Variants in BABAM2 observed in about 807,000 individuals in gnomAD.
BABAM2 encodes the protein BRISC and BRCA1 A complex member 2.
A neutral mutation model predicts 54.7 loss-of-function variants in BABAM2; 31 were observed. The observed-to-expected ratio is 0.57, with a 90% CI of 0.43 to 0.77. The LOEUF (loss-of-function observed/expected upper bound fraction) is 0.77. Among genes scored for constraint, BABAM2 ranks in the 30% least tolerant of loss-of-function variants. The pLI, the probability that BABAM2 is intolerant of heterozygous loss-of-function variation, is 0.00. For synonymous variants in BABAM2, 167 were observed against 162.9 expected (o/e 1.03, Z -0.19); for missense variants, 364 against 455.8 (o/e 0.80, Z 1.83).
intron 2 of BABAM2, among the ~76,000 whole-genome samples, chr2:27,903,893 C>T (rs763739263): frequency 6.6e-6 from 1 of 152,038 alleles, no homozygotes; most frequent in Non-Finnish European, 1.5e-5. Context: ...AGAACATTTA[C>T]CTTTTTCCTT....
intron 3 of BABAM2, among the ~76,000 whole-genome samples, chr2:27,937,745 C>G (rs908747677): frequency 6.6e-6 from 1 of 152,126 alleles, no homozygotes; most frequent in Non-Finnish European, 1.5e-5. Flanking sequence ...AATATTTTCT[C>G]CCATTCTGTA....
chr2:28,231,885 G>A (rs1681440029), intron 7 of BABAM2, among the ~76,000 whole-genome samples: 1 of 129,698 alleles, frequency 7.7e-6, no homozygotes, highest in South Asian at 2.7e-4. Context: ...ATGGCACATT[G>A]TAACCTCCAA....
chr2:28,011,393 C>T (rs1275685147), intron 4 of BABAM2, among the ~76,000 whole-genome samples: 2 of 152,054 alleles, frequency 1.3e-5, no homozygotes, highest in Non-Finnish European at 2.9e-5. Flanking sequence ...TGTTATAACC[C>T]GAAGAGCCTG....
chr2:28,174,632 A>G (rs1036657170), intron 7 of BABAM2, among the ~76,000 whole-genome samples: 3 of 152,180 alleles, frequency 2.0e-5, no homozygotes, highest in Non-Finnish European at 4.4e-5. Flanking sequence ...GAGTCCTGCA[A>G]TCCCAGCCAT....
intron 6 of BABAM2, among the ~76,000 whole-genome samples, chr2:28,075,140 C>T (rs1019681597): frequency 3.3e-5 from 5 of 152,098 alleles, no homozygotes; most frequent in Admixed American, 6.5e-5. Flanking sequence ...TGCCTGCCTC[C>T]GTTTTTAATA....
At chr2:28,251,628 T>A (rs73922267) in intron 10 of BABAM2, among the ~76,000 whole-genome samples, 2,792 of 152,290 alleles carry the variant, frequency 0.018, 96 homozygotes, top group African/African-American at 0.063. Flanking sequence ...ACAAACAAGA[T>A]GGCTACTACA....
chr2:28,122,156 C>T (rs1669130000), intron 6 of BABAM2, among the ~76,000 whole-genome samples: 1 of 151,954 alleles, frequency 6.6e-6, no homozygotes, highest in Admixed American at 6.6e-5. Context: ...GTGGAGCTTG[C>T]AGTGAGCCGA....
chr2:28,303,132 G>A (rs1456333840), intron 11 of BABAM2, among the ~76,000 whole-genome samples: 2 of 152,088 alleles, frequency 1.3e-5, no homozygotes, highest in African/African-American at 4.8e-5. Flanking sequence ...AAAATCTTGG[G>A]ATTACAGGTG....
chr2:28,002,586 T>A (rs1054684591), intron 4 of BABAM2, among the ~76,000 whole-genome samples: 10 of 152,122 alleles, frequency 6.6e-5, no homozygotes, highest in Non-Finnish European at 1.3e-4. Flanking sequence ...AATCCTAAGA[T>A]GGCTATCTAC....
intron 3 of BABAM2, among the ~76,000 whole-genome samples, chr2:27,931,964 T>G (rs549997528): frequency 2.0e-5 from 3 of 152,220 alleles, no homozygotes; most frequent in Non-Finnish European, 4.4e-5. Flanking sequence ...CTTCTGTGCC[T>G]TGCCTATAAA....
At chr2:28,079,825 G>T (rs1295909398) in intron 6 of BABAM2, among the ~76,000 whole-genome samples, 1 of 151,982 alleles carries the variant, frequency 6.6e-6, no homozygotes, top group Non-Finnish European at 1.5e-5. Context: ...AACTGTTAGG[G>T]TTTACGTTTT....
At chr2:28,299,095 C>T (rs1451456820) in intron 11 of BABAM2, among the ~76,000 whole-genome samples, 1 of 152,178 alleles carries the variant, frequency 6.6e-6, no homozygotes, top group Non-Finnish European at 1.5e-5. Flanking sequence ...TACCTCATTG[C>T]GTCTCTGCAG....
chr2:28,112,138 T>C (rs1297817754), intron 6 of BABAM2, among the ~76,000 whole-genome samples: 15 of 16,770 alleles, frequency 8.9e-4, no homozygotes, highest in Middle Eastern at 0.016. Context: ...TCTTTCTTTC[T>C]TTCTTTCTTT....
chr2:28,288,084 G>A (rs538767854), intron 10 of BABAM2, among the ~76,000 whole-genome samples: 3 of 152,266 alleles, frequency 2.0e-5, no homozygotes, highest in Admixed American at 2.0e-4. Context: ...GCACAGGTTG[G>A]AAGCATGCAG....
chr2:28,039,831 G>A (rs549587484), intron 5 of BABAM2, among the ~76,000 whole-genome samples: 1 of 152,178 alleles, frequency 6.6e-6, no homozygotes, highest in Non-Finnish European at 1.5e-5. Flanking sequence ...AAGGAAAGAT[G>A]CACATATTTA....
upstream of BABAM2, chr2:27,890,318 G>A (rs370831016): frequency 2.5e-6 from 4 of 1,613,642 alleles, no homozygotes; most frequent in African/African-American, 2.7e-5. This position sits in a 1 kb window ranked among gnomAD's most constrained non-coding sequence, Gnocchi z 4.8. Context: ...TCTTGCCACT[G>A]CCTCTGGGGT....
chr2:28,198,793 G>A (rs1259560111), intron 7 of BABAM2, among the ~76,000 whole-genome samples: 2 of 152,146 alleles, frequency 1.3e-5, no homozygotes. Context: ...CTTTGGTCTT[G>A]ACTTGCAGGA....
intron 7 of BABAM2, among the ~76,000 whole-genome samples, chr2:28,189,759 T>A (rs958010083): frequency 6.6e-6 from 1 of 152,188 alleles, no homozygotes; most frequent in African/African-American, 2.4e-5. Flanking sequence ...AGCAGACTTT[T>A]TTTTTTAGGG....
chr2:28,166,625 G>A (rs76826934), intron 7 of BABAM2, among the ~76,000 whole-genome samples: 10,150 of 152,146 alleles, frequency 0.067, 369 homozygotes, highest in African/African-American at 0.08. Context: ...TACCCCTGAC[G>A]TCCTCCCTTC....
Sources: allele counts gnomAD v4.1 joint callset (sites outside exome capture counted in the v4.1 genomes callset), GRCh38; gene constraint gnomAD v4.1.1; non-coding constraint Gnocchi (gnomAD v3.1); transcripts MANE v1.5; gene names NCBI Gene and HGNC (gene_info 2026-07-23, HGNC 2026-07-21).